Variants in LIPN observed in about 807,000 individuals in gnomAD.
LIPN encodes lipase family member N.
Under a neutral mutation model 43.7 loss-of-function variants are expected in LIPN, and 32 were observed. The ratio of observed to expected loss-of-function variants is 0.73; its 90% CI spans 0.55 to 0.98. The LOEUF is 0.98. Among genes scored for constraint, LIPN ranks in the 50% least tolerant of loss-of-function variants. The pLI is 0.00. For synonymous variants in LIPN, 156 were observed against 157.6 expected (o/e 0.99, Z 0.08); for missense variants, 505 against 483.8 (o/e 1.04, Z -0.41).
upstream of LIPN, among the ~76,000 whole-genome samples, chr10:88,759,807 A>G (rs1460211600): frequency 6.6e-6 from 1 of 152,090 alleles, no homozygotes; most frequent in Non-Finnish European, 1.5e-5. Context: ...TCTTCCCAAC[A>G]ATGACAGATA....
At chr10:88,766,635 A>ACATGTGTT (rs1843105340) in intron 5 of LIPN, among the ~76,000 whole-genome samples, 1 of 151,942 alleles carries the variant, frequency 6.6e-6, no homozygotes, top group African/African-American at 2.4e-5. Context: ...CCCAGGAATA[A>ACATGTGTT]CATGTGTTCC....
chr10:88,769,397 A>G (rs2134847382), intron 6 of LIPN, among the ~76,000 whole-genome samples: 1 of 152,080 alleles, frequency 6.6e-6, no homozygotes, highest in South Asian at 2.1e-4. Context: ...CTAAGATTCC[A>G]AAGCCTAAAT....
chr10:88,771,943 G>A (rs1843216254), intron 7 of LIPN, among the ~76,000 whole-genome samples: 1 of 151,680 alleles, frequency 6.6e-6, no homozygotes, highest in Non-Finnish European at 1.5e-5. Context: ...TTTGATAAAA[G>A]CTATTTTAAC....
At chr10:88,771,811 T>C (rs1237345955) in intron 7 of LIPN, among the ~76,000 whole-genome samples, 1 of 151,720 alleles carries the variant, frequency 6.6e-6, no homozygotes, top group Non-Finnish European at 1.5e-5. Flanking sequence ...CTACTTTTAG[T>C]TTTTTGAGGA....
chr10:88,759,790 T>C (rs1044469715), upstream of LIPN, among the ~76,000 whole-genome samples: 4 of 152,088 alleles, frequency 2.6e-5, no homozygotes, highest in African/African-American at 9.7e-5. Flanking sequence ...TTGAAAATGT[T>C]GCTAAGTCTT....
Position 88,761,529 on chromosome 10 carries a change from C to A in LIPN, c.108+16C>A. 1 of 1,530,354 alleles carries A rather than the reference C, an allele frequency of 6.5e-7. No homozygotes were observed. The highest frequency in any genetic ancestry group is 9.0e-7 in the Non-Finnish European group (1 of 1,105,094). The allele number at this position is 1,530,354 out of a possible 1,614,324, so 94.8% of individuals were successfully genotyped here. A position where few individuals can be genotyped will look rare whatever the true frequency, so the allele number is the denominator to read the frequency against. On this transcript the variant is annotated intron_variant, in intron 2 of 9. Coordinates refer to ENST00000404459, the MANE Select transcript of LIPN (RefSeq NM_001102469.2). ...GATGAATACTGTAAGTCATGGAAAA[C>A]TGTGAAGAACATCAAATAAAGCAGG...
chr10:88,761,189 C>G (rs1231867443), intron 1 of LIPN, among the ~76,000 whole-genome samples: 1 of 152,086 alleles, frequency 6.6e-6, no homozygotes, highest in African/African-American at 2.4e-5. Context: ...ATTTTAGGAA[C>G]TGGATTATAA....
intron 6 of LIPN, among the ~76,000 whole-genome samples, chr10:88,770,272 C>G (rs1012305362): frequency 5.9e-5 from 9 of 151,874 alleles, no homozygotes; most frequent in African/African-American, 2.2e-4. Context: ...CTCTTTGGCT[C>G]ACTGTTCTCT....
upstream of LIPN, among the ~76,000 whole-genome samples, chr10:88,759,455 C>T (rs1425284727): frequency 6.6e-6 from 1 of 152,122 alleles, no homozygotes; most frequent in Non-Finnish European, 1.5e-5. Flanking sequence ...CCATTTCTGC[C>T]TTTAACCACT....
chr10:88,772,774 A>G (rs1843231364), intron 7 of LIPN, among the ~76,000 whole-genome samples: 2 of 151,844 alleles, frequency 1.3e-5, no homozygotes, highest in African/African-American at 4.8e-5. Flanking sequence ...AGAACTGATA[A>G]ACAAATTCAT....
At chr10:88,769,624 A>G (rs917820760) in intron 6 of LIPN, 6 of 979,636 alleles carry the variant, frequency 6.1e-6, no homozygotes, top group South Asian at 9.4e-5. Flanking sequence ...TGATGGATAA[A>G]ATGGATTTGG....
At chr10:88,768,998 C>A (rs1843160095) in intron 6 of LIPN, 70 bp downstream of exon 6, 3 of 1,433,824 alleles carry the variant, frequency 2.1e-6, no homozygotes, top group East Asian at 2.3e-5. Context: ...ATTTTCAAAT[C>A]TACTGTAAAG....
chr10:88,777,722 A>G (rs1020084020), intron 9 of LIPN, among the ~76,000 whole-genome samples: 1 of 152,108 alleles, frequency 6.6e-6, no homozygotes, highest in African/African-American at 2.4e-5. Flanking sequence ...GTCATTTCAC[A>G]GGACCCCTCT....
At chr10:88,775,066 C>T in intron 8 of LIPN, 26 bp from the exon 9 acceptor site, 1 of 1,485,492 alleles carries the variant, frequency 6.7e-7, no homozygotes, top group Non-Finnish European at 9.2e-7. Context: ...CCTAACTATT[C>T]TTTTTCTAAA....
upstream of LIPN, among the ~76,000 whole-genome samples, chr10:88,757,431 T>G (rs574169443): frequency 7.0e-4 from 106 of 152,290 alleles, 1 homozygote; most frequent in African/African-American, 2.5e-3. Flanking sequence ...TCTCTTTAAA[T>G]GTAAGTGATC....
chr10:88,764,287 A>G (rs1042234512), intron 3 of LIPN, 123 bp from the exon 4 acceptor site: 3 of 651,648 alleles, frequency 4.6e-6, no homozygotes, highest in East Asian at 5.4e-5. Context: ...TTGTTTTACC[A>G]TGTGTGTATG....
intron 3 of LIPN, 150 bp downstream of exon 3, chr10:88,762,455 T>C: frequency 3.3e-6 from 2 of 612,310 alleles, no homozygotes; most frequent in East Asian, 2.7e-5. Flanking sequence ...AGGCTCACTC[T>C]TTGCCTGATA....
In LIPN at chr10:88,764,743, G is replaced by A. The variant is rs1189085157; in HGVS notation, c.425+135G>A. 45 of 567,188 alleles carry A rather than the reference G, an allele frequency of 7.9e-5. No individual in the cohort carries two copies. In the Admixed American group the frequency reaches 1.2e-3, roughly 15 times the overall value. 35.1% of individuals were successfully genotyped at this position (567,188 alleles called of 1,614,324 possible). On this transcript the variant is annotated intron_variant, in intron 4 of 9. Coordinates refer to ENST00000404459, the MANE Select transcript of LIPN (RefSeq NM_001102469.2). ...TAGTTTCTGTTAAGATCTCAAAGGA[G>A]GGTAACAGCAAGAAGCTCTGATTTT...
intron 1 of LIPN, among the ~76,000 whole-genome samples, chr10:88,760,846 A>G (rs948691021): frequency 6.6e-6 from 1 of 152,162 alleles, no homozygotes; most frequent in South Asian, 2.1e-4. Context: ...TTGAATAGAC[A>G]TACTTTTAAA....
Sources: allele counts gnomAD v4.1 joint callset (sites outside exome capture counted in the v4.1 genomes callset), GRCh38; gene constraint gnomAD v4.1.1; transcripts MANE v1.5; gene names NCBI Gene and HGNC (gene_info 2026-07-23, HGNC 2026-07-21).